SPMIP2: variants seen among roughly 807,000 people sequenced by gnomAD.
The protein encoded by SPMIP2 is sperm microtubule inner protein 2.
chr4:158,973,333 T>A, the SPMIP2 span: 2 of 1,453,134 alleles, frequency 1.4e-6, no homozygotes, highest in Non-Finnish European at 1.9e-6. Flanking sequence ...AAAATGTACT[T>A]AAAACTTCTC....
the SPMIP2 span, among the ~76,000 whole-genome samples, chr4:158,939,198 G>T: frequency 6.6e-6 from 1 of 152,198 alleles, no homozygotes; most frequent in East Asian, 1.9e-4. Context: ...ACTCAGTTTA[G>T]TTTTGGATAA....
chr4:158,970,381 T>A, the SPMIP2 span, among the ~76,000 whole-genome samples: 9 of 151,850 alleles, frequency 5.9e-5, no homozygotes, highest in African/African-American at 2.2e-4. Context: ...TACTAAAAAA[T>A]TTTTTTAAAT....
the SPMIP2 span, among the ~76,000 whole-genome samples, chr4:158,976,693 T>A: frequency 1.8e-5 from 2 of 113,184 alleles, no homozygotes; most frequent in African/African-American, 7.4e-5. Context: ...TGAGACAGAG[T>A]CTCGCTCTGT....
At chr4:158,981,184 C>T in the SPMIP2 span, among the ~76,000 whole-genome samples, 1 of 152,132 alleles carries the variant, frequency 6.6e-6, no homozygotes, top group Non-Finnish European at 1.5e-5. Flanking sequence ...GGAACAAAGC[C>T]TCCAAGAAAT....
the SPMIP2 span, among the ~76,000 whole-genome samples, chr4:159,066,601 ATATATAT>A: frequency 1.0e-4 from 5 of 49,842 alleles, no homozygotes; most frequent in Non-Finnish European, 1.9e-4. Context: ...ATATATATAT[ATATATAT>A]ATATATATAT....
At chr4:159,059,537 T>C in the SPMIP2 span, among the ~76,000 whole-genome samples, 2 of 152,000 alleles carry the variant, frequency 1.3e-5, no homozygotes, top group Admixed American at 6.6e-5. Context: ...CAAACTCAGA[T>C]AATTTTTTAA....
At chr4:158,964,152 C>CAAAAG in the SPMIP2 span, among the ~76,000 whole-genome samples, 3 of 24,024 alleles carry the variant, frequency 1.2e-4, no homozygotes, top group East Asian at 6.1e-3. Context: ...GAGACTATCT[C>CAAAAG]AAAACAAAAC....
chr4:158,926,648 G>A, the SPMIP2 span, among the ~76,000 whole-genome samples: 3 of 152,060 alleles, frequency 2.0e-5, no homozygotes, highest in Non-Finnish European at 1.5e-5. Context: ...TTGTCATAAG[G>A]TAAAGTATCC....
the SPMIP2 span, among the ~76,000 whole-genome samples, chr4:158,971,897 A>G: frequency 6.6e-6 from 1 of 152,174 alleles, no homozygotes; most frequent in African/African-American, 2.4e-5. Context: ...AGAAATTTAG[A>G]TGATCCTGTG....
the SPMIP2 span, among the ~76,000 whole-genome samples, chr4:158,920,999 TTCTG>T: frequency 6.6e-6 from 1 of 152,218 alleles, no homozygotes; most frequent in Non-Finnish European, 1.5e-5. Context: ...TGTAAAATTC[TTCTG>T]TTTATACTCT....
chr4:158,968,837 G>T, the SPMIP2 span, among the ~76,000 whole-genome samples: 8 of 152,214 alleles, frequency 5.3e-5, no homozygotes, highest in African/African-American at 1.7e-4. Flanking sequence ...AGAAATTCAA[G>T]ATTTCATCAG....
the SPMIP2 span, among the ~76,000 whole-genome samples, chr4:159,020,121 A>T: frequency 6.5e-5 from 9 of 138,230 alleles, no homozygotes; most frequent in Admixed American, 2.2e-4. Context: ...CTCCATCTTT[A>T]AAAAAAAAAA....
chr4:158,935,716 C>T, the SPMIP2 span, among the ~76,000 whole-genome samples: 17 of 152,294 alleles, frequency 1.1e-4, no homozygotes, highest in East Asian at 2.3e-3. Flanking sequence ...ATTCTCCTAG[C>T]GGCCTGAACG....
chr4:159,012,866 C>G, the SPMIP2 span, among the ~76,000 whole-genome samples: 2 of 152,164 alleles, frequency 1.3e-5, no homozygotes, highest in Non-Finnish European at 2.9e-5. Context: ...AGCCACTGCA[C>G]CTGGCCAATT....
the SPMIP2 span, among the ~76,000 whole-genome samples, chr4:159,005,593 C>G: frequency 6.6e-6 from 1 of 152,180 alleles, no homozygotes; most frequent in African/African-American, 2.4e-5. Flanking sequence ...GTTATTGTGG[C>G]TAGCCCAAAC....
At chr4:158,973,325 A>G in the SPMIP2 span, 2 of 1,532,156 alleles carry the variant, frequency 1.3e-6, no homozygotes. Context: ...TAAAAGACAA[A>G]ATGTACTTAA....
chr4:158,973,109 T>C, the SPMIP2 span: 1 of 1,604,678 alleles, frequency 6.2e-7, no homozygotes, highest in Admixed American at 1.7e-5. Context: ...CCAGTCTTGA[T>C]TTGTTGATAA....
At chr4:159,051,252 T>A in the SPMIP2 span, among the ~76,000 whole-genome samples, 10 of 152,314 alleles carry the variant, frequency 6.6e-5, no homozygotes, top group East Asian at 1.9e-3. Flanking sequence ...TTCAGATGAA[T>A]GCAAAGTGAT....
chr4:159,051,976 CCA>C, the SPMIP2 span, among the ~76,000 whole-genome samples: 1 of 152,074 alleles, frequency 6.6e-6, no homozygotes, highest in South Asian at 2.1e-4. Flanking sequence ...CCCACACCCT[CCA>C]GCTACCTACT....
Sources: allele counts gnomAD v4.1 joint callset (sites outside exome capture counted in the v4.1 genomes callset), GRCh38; gene constraint gnomAD v4.1.1; transcripts MANE v1.5; gene names NCBI Gene and HGNC (gene_info 2026-07-23, HGNC 2026-07-21).